Variants in CPAP observed in about 807,000 individuals in gnomAD.
CPAP encodes centrosomal P4.1-associated protein.
the CPAP span, chr13:24,886,210 A>G: frequency 6.4e-6 from 5 of 783,352 alleles, no homozygotes; most frequent in South Asian, 4.2e-5. Flanking sequence ...CTATGTGCCA[A>G]TGGATCATAT....
the CPAP span, among the ~76,000 whole-genome samples, chr13:24,900,822 C>G: frequency 3.9e-5 from 6 of 152,054 alleles, no homozygotes; most frequent in Admixed American, 3.9e-4. Context: ...GTGAAGCAGT[C>G]GGGTTAGAAA....
chr13:24,885,819 G>C, the CPAP span: 3 of 657,102 alleles, frequency 4.6e-6, no homozygotes, highest in South Asian at 5.5e-5. Flanking sequence ...TTACTAATTT[G>C]TAGTTCTCCG....
At chr13:24,908,863 C>T in the CPAP span, among the ~76,000 whole-genome samples, 2 of 152,220 alleles carry the variant, frequency 1.3e-5, no homozygotes, top group African/African-American at 2.4e-5. Context: ...ACAATAATAG[C>T]ACTGTGGTTA....
At chr13:24,903,895 AT>A in the CPAP span, 1 of 1,612,246 alleles carries the variant, frequency 6.2e-7, no homozygotes, top group Non-Finnish European at 8.5e-7. Flanking sequence ...GTCACTGCAT[AT>A]TTTTTCCCAA....
At chr13:24,883,947 C>CATA in the CPAP span, 1 of 1,614,048 alleles carries the variant, frequency 6.2e-7, no homozygotes, top group Admixed American at 1.7e-5. Context: ...TTTCTGTGAA[C>CATA]ATAATGTTGC....
chr13:24,929,494 A>G, the CPAP span, among the ~76,000 whole-genome samples: 51 of 152,152 alleles, frequency 3.4e-4, no homozygotes, highest in Non-Finnish European at 7.1e-4. Flanking sequence ...TGTTAATCTT[A>G]TGGAAGGTCC....
the CPAP span, chr13:24,883,185 C>G: frequency 1.2e-6 from 2 of 1,613,876 alleles, no homozygotes; most frequent in Non-Finnish European, 1.7e-6. Flanking sequence ...CGTCACAGCT[C>G]CGTGTCCATT....
chr13:24,927,827 T>C, the CPAP span, among the ~76,000 whole-genome samples: 1 of 152,224 alleles, frequency 6.6e-6, no homozygotes, highest in African/African-American at 2.4e-5. Context: ...TTTATATGCC[T>C]CTGTCAAAAA....
At chr13:24,896,929 C>T in the CPAP span, among the ~76,000 whole-genome samples, 3 of 152,164 alleles carry the variant, frequency 2.0e-5, no homozygotes. Flanking sequence ...ACTACTGGTT[C>T]AAGTATATGT....
the CPAP span, among the ~76,000 whole-genome samples, chr13:24,890,582 C>T: frequency 6.6e-6 from 1 of 152,182 alleles, no homozygotes; most frequent in African/African-American, 2.4e-5. Flanking sequence ...ACTTGGATGA[C>T]CACAAGCTGA....
the CPAP span, among the ~76,000 whole-genome samples, chr13:24,916,981 T>C: frequency 6.6e-6 from 1 of 152,204 alleles, no homozygotes; most frequent in Non-Finnish European, 1.5e-5. Context: ...CCCGGTGCGG[T>C]AGCTCACGCC....
the CPAP span, among the ~76,000 whole-genome samples, chr13:24,901,853 G>A: frequency 1.3e-5 from 2 of 152,154 alleles, no homozygotes; most frequent in Admixed American, 6.5e-5. Context: ...TTAGCTGGGC[G>A]TGGTGGTGCG....
chr13:24,895,566 G>GAAAGA, the CPAP span, among the ~76,000 whole-genome samples: 5 of 151,664 alleles, frequency 3.3e-5, no homozygotes, highest in African/African-American at 7.3e-5. Flanking sequence ...AGAAAGAAAA[G>GAAAGA]AAAGAAAAGA....
At chr13:24,883,829 G>C in the CPAP span, 3 of 930,238 alleles carry the variant, frequency 3.2e-6, no homozygotes, top group South Asian at 4.0e-5. Flanking sequence ...CATGCCTGTG[G>C]GACATTCATT....
At chr13:24,904,532 C>CT in the CPAP span, among the ~76,000 whole-genome samples, 22 of 152,004 alleles carry the variant, frequency 1.4e-4, no homozygotes, top group African/African-American at 5.3e-4. Context: ...TCAATTAGTA[C>CT]TTTTTTAGAA....
chr13:24,896,295 G>A, the CPAP span, among the ~76,000 whole-genome samples: 5 of 152,192 alleles, frequency 3.3e-5, no homozygotes, highest in Non-Finnish European at 5.9e-5. Flanking sequence ...GAAGAGGGAC[G>A]GCAACTCACC....
the CPAP span, chr13:24,906,537 C>A: frequency 6.2e-7 from 1 of 1,614,152 alleles, no homozygotes; most frequent in Non-Finnish European, 8.5e-7. Context: ...GTTACATTTT[C>A]TTTATTATTA....
At chr13:24,926,889 G>A in the CPAP span, among the ~76,000 whole-genome samples, 50 of 152,316 alleles carry the variant, frequency 3.3e-4, no homozygotes, top group Non-Finnish European at 6.3e-4. Context: ...TGAGGCCATA[G>A]CAGACAACTT....
chr13:24,929,154 C>A, the CPAP span, among the ~76,000 whole-genome samples: 1 of 152,212 alleles, frequency 6.6e-6, no homozygotes, highest in Non-Finnish European at 1.5e-5. Context: ...GCCTCAACCT[C>A]CAGGGCTCAA....
Sources: allele counts gnomAD v4.1 joint callset (sites outside exome capture counted in the v4.1 genomes callset), GRCh38; gene constraint gnomAD v4.1.1; transcripts MANE v1.5; gene names NCBI Gene and HGNC (gene_info 2026-07-23, HGNC 2026-07-21).